TLE6: variants seen among roughly 807,000 people sequenced by gnomAD.
TLE6 encodes the protein TLE family member 6, subcortical maternal complex member.
TLE6 carries 72 observed loss-of-function variants against 77.1 expected under a neutral mutation model. The ratio of observed to expected loss-of-function variants is 0.93; its 90% CI spans 0.77 to 1.14. The LOEUF (loss-of-function observed/expected upper bound fraction) is 1.14, where lower values mean the gene tolerates loss of function less well. Among genes scored for constraint, TLE6 ranks in the 50% most tolerant of loss-of-function variants. TLE6 has a pLI of 0.00. For missense variants in TLE6, 843 were observed against 747.6 expected (o/e 1.13, Z -1.49); for synonymous variants, 366 against 287.3 (o/e 1.27, Z -2.77).
chr19:2,982,366 C>T (rs558819529), intron 5 of TLE6, among the ~76,000 whole-genome samples, 177 bp downstream of exon 5: 67 of 151,364 alleles, frequency 4.4e-4, no homozygotes, highest in African/African-American at 1.6e-3. Context: ...GGTGAAACCC[C>T]GTCTCTACTA....
intron 16 of TLE6, 40 bp from the exon 17 acceptor site, chr19:2,994,860 G>C (rs371796853): frequency 1.6e-4 from 203 of 1,265,212 alleles, no homozygotes; most frequent in Non-Finnish European, 2.0e-4. Flanking sequence ...AGGGGTGTGT[G>C]AGCCCTACCC....
chr19:2,981,904 A>G (rs1436524246), intron 4 of TLE6, among the ~76,000 whole-genome samples: 2 of 151,828 alleles, frequency 1.3e-5, no homozygotes, highest in South Asian at 2.1e-4. Flanking sequence ...CCCAGGAGGC[A>G]GAGGTTGCGG....
Position 2,995,146 on chromosome 19 carries a change from G to T in TLE6, c.*142G>T. The T allele has an allele frequency of 1.9e-6, 1 of 529,512 alleles. No homozygotes were observed. Among genetic ancestry groups the T allele is most frequent in the Non-Finnish European group, 3.4e-6 (1 of 296,600 alleles). 32.8% of individuals were successfully genotyped at this position (529,512 alleles called of 1,614,324 possible). On this transcript the variant is annotated 3_prime_UTR_variant, in exon 17 of 17. Coordinates refer to ENST00000246112, the MANE Select transcript of TLE6 (RefSeq NM_001143986.2). ...ATCTAGTCTGTGGTGTAGACTGGTC[G>T]CCATCACGTGTAATAAAGCACCCGG...
At chr19:2,985,398 C>G (rs928802600) in intron 5 of TLE6, among the ~76,000 whole-genome samples, 1 of 103,040 alleles carries the variant, frequency 9.7e-6, no homozygotes, top group East Asian at 2.1e-4. Flanking sequence ...CTGCTTGAAG[C>G]CTTTTTTTTT....
Position 2,991,376 on chromosome 19 carries a change from G to GTATATATATATA in TLE6, c.1245-458_1245-447dup, listed in dbSNP as rs369766984. Among the ~76,000 whole-genome samples the GTATATATATATA allele has an allele frequency of 3.9e-4, 41 of 105,534 alleles. 1 individual carries two copies. Among genetic ancestry groups the GTATATATATATA allele is most frequent in the Admixed American group, 3.6e-4 (3 of 8,424 alleles). The allele number at this position is 105,534 out of a possible 152,430, so 69.2% of individuals were successfully genotyped here. A position where few individuals can be genotyped will look rare whatever the true frequency, so the allele number is the denominator to read the frequency against. ...TCCATTTCAAAAAAAAAAAAAATAC[G>GTATATATATATA]TATATATATATATATATATACACAC... On this transcript the variant is annotated intron_variant, in intron 13 of 16. Transcript: ENST00000246112.
chr19:2,987,608 C>T (rs531201308), intron 8 of TLE6, 116 bp from the exon 9 acceptor site: 2 of 1,263,174 alleles, frequency 1.6e-6, no homozygotes, highest in East Asian at 4.7e-5. Context: ...TCTGCCTGGA[C>T]CCGCAGACAG....
chr19:2,995,059 C>CG lies in TLE6; in HGVS notation c.*55_*56insG. The CG allele has an allele frequency of 9.8e-7, 1 of 1,024,676 alleles. No individual in the cohort carries two copies. Among genetic ancestry groups the CG allele is most frequent in the Non-Finnish European group, 1.5e-6 (1 of 684,342 alleles). 63.5% of individuals were successfully genotyped at this position (1,024,676 alleles called of 1,614,324 possible). A position where few individuals can be genotyped will look rare whatever the true frequency, so the allele number is the denominator to read the frequency against. ...CTCCTCTTTTCATCCCCCCCCTTCCCCCCCCCCAACAAGGGGGACATGGTG... is the reference window on the plus strand; with the variant it reads ...CTCCTCTTTTCATCCCCCCCCTTCCCGCCCCCCCAACAAGGGGGACATGGTG... On this transcript the variant is annotated 3_prime_UTR_variant, in exon 17 of 17. Transcript: ENST00000246112.
chr19:2,990,656 C>A (rs886879509), intron 13 of TLE6, among the ~76,000 whole-genome samples: 7 of 67,008 alleles, frequency 1.0e-4, no homozygotes, highest in Non-Finnish European at 2.0e-4. Context: ...TATATAAATA[C>A]ATAAATATAT....
Position 2,994,992 on chromosome 19 carries a change from G to C in TLE6, c.1707G>C (p.Gln569His). The change falls in exon 17 of 17, where the codon CAG (glutamine) becomes CAC (histidine). Residue 569 changes from glutamine to histidine, a missense_variant. Coordinates refer to ENST00000246112, the MANE Select transcript of TLE6 (RefSeq NM_001143986.2). ...CCGGGGAGCACGCCTCCGTGTACCA[G>C]ATCACCTACTGAGGGGCCTCGCTGC... ...TGSGEHASVY[Q>H]ITY is the part of the protein sequence containing the mutation. 5 of 1,606,322 alleles carry C rather than the reference G, an allele frequency of 3.1e-6. No homozygotes were observed. Among genetic ancestry groups the C allele is most frequent in the Non-Finnish European group, 4.2e-6 (5 of 1,177,090 alleles).
Position 2,994,008 on chromosome 19 carries a change from AT to A in TLE6, c.1538-8del. The A allele has an allele frequency of 1.3e-6, 2 of 1,599,902 alleles. No individual in the cohort carries two copies. The highest frequency in any genetic ancestry group is 1.7e-6 in the Non-Finnish European group (2 of 1,174,678). ...TGGTTCTAAGTCTCGCTGATGCTCC[AT>A]TTCTCCCAGGCCAGTGGTGGGCAAG... On this transcript the variant is annotated splice_polypyrimidine_tract_variant and intron_variant, in intron 15 of 16. Coordinates refer to ENST00000246112, the MANE Select transcript of TLE6 (RefSeq NM_001143986.2).
rs1383322482 is a variant in TLE6, at chr19:2,987,215, A to G, written c.518A>G (p.Glu173Gly). ...CGGATTTTTGCCGGCGTCCACGATG[A>G]GAAGGCAAAGCCCAGAGACAGACGT... ...LWRIFAGVHD[E>G]KAKPRDRQQA... The change falls in exon 7 of 17, where the codon GAG becomes GGG. Residue 173 changes from glutamate (E) to glycine (G), a missense_variant. Transcript: ENST00000246112. 1 of 1,613,998 alleles carries G rather than the reference A, an allele frequency of 6.2e-7. No homozygotes were observed. The highest frequency in any genetic ancestry group is 8.5e-7 in the Non-Finnish European group (1 of 1,180,034).
At chr19:2,987,542 C>A in intron 8 of TLE6, 170 bp downstream of exon 8, 3 of 1,121,222 alleles carry the variant, frequency 2.7e-6, no homozygotes, top group Non-Finnish European at 2.6e-6. Context: ...TGGAGTAGCC[C>A]AGGACCCACA....
intron 15 of TLE6, 137 bp from the exon 16 acceptor site, chr19:2,993,882 C>T: frequency 1.3e-6 from 1 of 782,258 alleles, no homozygotes; most frequent in East Asian, 2.7e-5. Flanking sequence ...ATACCACTGA[C>T]TGTAGTCCAG....
chr19:2,980,043 G>A, intron 2 of TLE6, 57 bp from the exon 3 acceptor site: 1 of 1,387,354 alleles, frequency 7.2e-7, no homozygotes, highest in Non-Finnish European at 1.0e-6. Context: ...TGGAGACCGG[G>A]GGTCTTGGGT....
chr19:2,984,634 A>G (rs1431156522), intron 5 of TLE6, among the ~76,000 whole-genome samples: 1 of 151,926 alleles, frequency 6.6e-6, no homozygotes, highest in Non-Finnish European at 1.5e-5. Context: ...TGCCTGGCTA[A>G]CTTTTATGTT....
chr19:2,978,414 C>T, intron 2 of TLE6, 130 bp downstream of exon 2: 3 of 880,416 alleles, frequency 3.4e-6, no homozygotes, highest in Non-Finnish European at 3.6e-6. Flanking sequence ...CTGGTCGCTG[C>T]TACACTCAAG....
At chr19:2,990,271 A>G (rs1282434978) in intron 13 of TLE6, among the ~76,000 whole-genome samples, 3 of 151,782 alleles carry the variant, frequency 2.0e-5, no homozygotes, top group Admixed American at 2.0e-4. Context: ...TTTAATAAAA[A>G]TTAAATAGAA....
At chr19:2,994,527 G>C (rs957263053) in intron 16 of TLE6, among the ~76,000 whole-genome samples, 5 of 152,276 alleles carry the variant, frequency 3.3e-5, no homozygotes, top group Middle Eastern at 3.4e-3. Flanking sequence ...GGAGAATGGC[G>C]TGAGCCAGGG....
chr19:2,992,042 A>C, intron 14 of TLE6, 58 bp downstream of exon 14: 1 of 1,596,068 alleles, frequency 6.3e-7, no homozygotes, highest in Non-Finnish European at 8.6e-7. Flanking sequence ...TCAGATTAAA[A>C]AATGAGGTTG....
Sources: allele counts gnomAD v4.1 joint callset (sites outside exome capture counted in the v4.1 genomes callset), GRCh38; gene constraint gnomAD v4.1.1; transcripts MANE v1.5; gene names NCBI Gene and HGNC (gene_info 2026-07-23, HGNC 2026-07-21).